Variants in UGT1A1 observed in about 807,000 individuals in gnomAD.
UGT1A1 encodes the protein UDP glucuronosyltransferase family 1 member A1.
A neutral mutation model predicts 40.6 loss-of-function variants in UGT1A1; 33 were observed. The ratio of observed to expected loss-of-function variants is 0.81; its 90% confidence interval spans 0.62 to 1.09. The LOEUF (loss-of-function observed/expected upper bound fraction) is 1.09, where lower values mean the gene tolerates loss of function less well. Ranked by LOEUF, UGT1A1 falls within the 50% of genes least tolerant of loss-of-function variation. The probability of loss-of-function intolerance (pLI) is 0.00; values close to 1 mark genes in which losing one functional copy is unlikely to be tolerated. For synonymous variants in UGT1A1, 249 were observed against 265.0 expected (o/e 0.94, Z 0.59); for missense variants, 694 against 671.2 (o/e 1.03, Z -0.38).
At position 233,767,164 on chromosome 2, in the gene UGT1A1, C is replaced by G. The variant is rs1699322267; in HGVS notation, c.995C>G (p.Thr332Arg). ...GATGCTTTGGGCAAAATCCCTCAGA[C>G]AGTAAGAAGATTCTATACCATGGCC... is the stretch of plus-strand genomic sequence containing the variant. Reference protein sequence around the residue: ...IADALGKIPQTVLWRYTGTRP... With the variant: ...IADALGKIPQRVLWRYTGTRP... The change falls in exon 2 of 5, where the codon ACA (threonine) becomes AGA (arginine). Residue 332 changes from threonine (T) to arginine (R), a missense_variant and splice_region_variant. Transcript: ENST00000305208. The G allele has an allele frequency of 6.2e-7, 1 of 1,614,090 alleles. No homozygotes were observed.
intron 1 of UGT1A1, among the ~76,000 whole-genome samples, chr2:233,766,396 G>A (rs1050069085): frequency 2.0e-5 from 3 of 152,150 alleles, no homozygotes; most frequent in East Asian, 3.9e-4. Context: ...CTGTCCTTGC[G>A]TCCCTCCGCT....
In UGT1A1 at chr2:233,769,485, G is replaced by A; in HGVS notation, c.1304+1046G>A. On this transcript the variant is annotated intron_variant, in intron 4 of 4. Coordinates refer to ENST00000305208, the MANE Select transcript of UGT1A1 (RefSeq NM_000463.3). This position sits in a 1 kb window ranked among gnomAD's most constrained non-coding sequence, Gnocchi z 4.4. ...TATGCGTGTGTGTGTGTGTGCGTGTGTTTATGAGAGTGTCCATTGCTTTCT... is the reference window on the plus strand; with the variant it reads ...TATGCGTGTGTGTGTGTGTGCGTGTATTTATGAGAGTGTCCATTGCTTTCT... 6.2e-7 allele frequency: 1 copy of A among 1,612,612 alleles called. No individual in the cohort carries two copies. Among genetic ancestry groups the A allele is most frequent in the Non-Finnish European group, 8.5e-7 (1 of 1,179,716 alleles).
At chr2:233,768,722 A>G (rs1461787067) in intron 4 of UGT1A1, among the ~76,000 whole-genome samples, 1 of 150,864 alleles carries the variant, frequency 6.6e-6, no homozygotes, top group Non-Finnish European at 1.5e-5. Flanking sequence ...AGCTGGGATT[A>G]CAGGTGTCCA....
At chr2:233,767,675 CA>C (rs1699446425) in intron 2 of UGT1A1, among the ~76,000 whole-genome samples, 173 bp from the exon 3 acceptor site, 1 of 152,180 alleles carries the variant, frequency 6.6e-6, no homozygotes, top group Non-Finnish European at 1.5e-5. Flanking sequence ...ACTAAACCTC[CA>C]AAACAAGATG....
chr2:233,762,210 G>A (rs190920095), intron 1 of UGT1A1, among the ~76,000 whole-genome samples: 9 of 152,170 alleles, frequency 5.9e-5, no homozygotes, highest in Non-Finnish European at 7.4e-5. Context: ...TGTATTTGGC[G>A]CCCCATAAAT....
Position 233,769,261 on chromosome 2 carries a change from C to T in UGT1A1, c.1304+822C>T, listed in dbSNP as rs1242622914. ...ATTTGCTCAAATGTGGCCCTGAAAA[C>T]GATTCAAAGGGCAAATGATTTCTGG... On this transcript the variant is annotated intron_variant, in intron 4 of 4. Coordinates refer to ENST00000305208, the MANE Select transcript of UGT1A1 (RefSeq NM_000463.3). This position sits in a 1 kb window ranked among gnomAD's most constrained non-coding sequence, Gnocchi z 4.4. 1.3e-5 allele frequency among the ~76,000 whole-genome samples: 2 copies of T among 152,124 alleles called. No homozygotes were observed. Among genetic ancestry groups the T allele is most frequent in the African/African-American group, 2.4e-5 (1 of 41,420 alleles).
rs780660931 is a variant in UGT1A1, at chr2:233,767,955, A to C, written c.1084+19A>C. 173 of 1,614,006 alleles carry C rather than the reference A, an allele frequency of 1.1e-4. 2 individuals carry two copies. In the South Asian group the frequency reaches 1.6e-3, roughly 15 times the overall value. ...CTGCTTGGTATGTTGGGCGGATTGG[A>C]TGTATAGGTCAAACCAGGGTCAAAT... On this transcript the variant is annotated intron_variant, in intron 3 of 4. Coordinates refer to ENST00000305208, the MANE Select transcript of UGT1A1 (RefSeq NM_000463.3).
At position 233,768,372 on chromosome 2, in the gene UGT1A1, C is replaced by A; in HGVS notation, c.1237C>A (p.Leu413Met). 1 of 1,614,130 alleles carries A rather than the reference C, an allele frequency of 6.2e-7. No homozygotes were observed. The highest frequency in any genetic ancestry group is 8.5e-7 in the Non-Finnish European group (1 of 1,180,038). The change falls in exon 4 of 5, where the codon CTG becomes ATG. Residue 413 changes from leucine (L) to methionine (M), a missense_variant. By Grantham distance (15) the Leu-to-Met change is conservative. Coordinates refer to ENST00000305208, the MANE Select transcript of UGT1A1 (RefSeq NM_000463.3). The part of the protein sequence containing the change: ...RMETKGAGVT[L>M]NVLEMTSEDL... ...GGAGACTAAGGGAGCTGGAGTGACC[C>A]TGAATGTTCTGGAAATGACTTCTGA...
rs1316565909 is a variant in UGT1A1, at chr2:233,767,035, A to G, written c.866A>G (p.Glu289Gly). 6.2e-7 allele frequency: 1 copy of G among 1,614,064 alleles called. No homozygotes were observed. The highest frequency in any genetic ancestry group is 1.7e-5 in the Admixed American group (1 of 60,022). ...NCLHQNPLSQ[E>G]FEAYINASGE... The stretch of plus-strand genomic sequence containing the variant: ...TGAAAATTTTTCTTCTGGCTCTAGG[A>G]ATTTGAAGCCTACATTAATGCTTCT... The change falls in exon 2 of 5, where the codon GAA (glutamate) becomes GGA (glycine). Residue 289 changes from glutamate to glycine, a missense_variant and splice_region_variant. Coordinates refer to ENST00000305208, the MANE Select transcript of UGT1A1 (RefSeq NM_000463.3).
Position 233,772,766 on chromosome 2 carries a change from C to G in UGT1A1, c.*207C>G. The stretch of plus-strand genomic sequence containing the variant: ...AGATATTTGAATATGTATCGTGCCC[C>G]CTCTGGTGTCTTTGATCAGGATGAC... On this transcript the variant is annotated 3_prime_UTR_variant, in exon 5 of 5. Transcript: ENST00000305208. 1 of 1,374,588 alleles carries G rather than the reference C, an allele frequency of 7.3e-7. No homozygotes were observed. Among genetic ancestry groups the G allele is most frequent in the Non-Finnish European group, 9.5e-7 (1 of 1,047,350 alleles). 85.1% of individuals were successfully genotyped at this position (1,374,588 alleles called of 1,614,324 possible).
intron 1 of UGT1A1, among the ~76,000 whole-genome samples, chr2:233,765,948 C>T (rs1314751958): frequency 6.6e-6 from 1 of 152,116 alleles, no homozygotes; most frequent in African/African-American, 2.4e-5. Context: ...GCTCTGACCT[C>T]ACCGGCAGTG....
Position 233,772,513 on chromosome 2 carries a change from G to C in UGT1A1, c.1556G>C (p.Gly519Ala), listed in dbSNP as rs867885761. ...CCAYGYRKCL[G>A]KKGRVKKAHK... ...GCTTATGGCTACCGGAAATGCTTGG[G>C]GAAAAAAGGGCGAGTTAAGAAAGCC... The change falls in exon 5 of 5, where the codon GGG (glycine) becomes GCG (alanine). Residue 519 changes from glycine to alanine, a missense_variant. Gly to Ala is a moderately conservative substitution (Grantham distance 60). Transcript: ENST00000305208. 26 of 1,614,000 alleles carry C rather than the reference G, an allele frequency of 1.6e-5. 1 individual carries two copies. In the East Asian group the frequency reaches 5.6e-4, roughly 35 times the overall value.
Position 233,768,455 on chromosome 2 carries a change from CAGA to C in UGT1A1, c.1304+21_1304+23del, listed in dbSNP as rs1237588109. On this transcript the variant is annotated intron_variant, in intron 4 of 4. Transcript: ENST00000305208. The stretch of plus-strand genomic sequence containing the variant: ...ATGACAAAAGGTAAGAAAGAAGATA[CAGA>C]AGAATACTTTGGTCATGGCATTCAT... 4 of 1,610,124 alleles carry C rather than the reference CAGA, an allele frequency of 2.5e-6. No homozygotes were observed. The African/African-American group carries it at 5.4e-5, about 22-fold the overall frequency.
chr2:233,768,469 G>A (rs1403858659), intron 4 of UGT1A1, 30 bp downstream of exon 4: 1 of 1,603,172 alleles, frequency 6.2e-7, no homozygotes, highest in African/African-American at 1.3e-5. Flanking sequence ...AGAATACTTT[G>A]GTCATGGCAT....
At chr2:233,767,302 A>G (rs951994488) in intron 2 of UGT1A1, 137 bp downstream of exon 2, 1 of 1,534,820 alleles carries the variant, frequency 6.5e-7, no homozygotes, top group African/African-American at 1.4e-5. Context: ...TATTAATCCA[A>G]AGGTTTTTTT....
intron 1 of UGT1A1, among the ~76,000 whole-genome samples, chr2:233,764,945 G>GA (rs2126013513): frequency 6.6e-6 from 1 of 152,312 alleles, no homozygotes; most frequent in Non-Finnish European, 1.5e-5. Context: ...GAGTGGCGGG[G>GA]AGAGAGGGCT....
Position 233,760,776 on chromosome 2 carries a change from C to G in UGT1A1, c.489C>G (p.Tyr163Ter). Reference sequence around the variant, plus strand: ...CTTGCAGCCCCATCGTGGCCCAGTACCTGTCTCTGCCCACTGTATTCTTCT... The same window carrying G: ...CTTGCAGCCCCATCGTGGCCCAGTAGCTGTCTCTGCCCACTGTATTCTTCT... Reference protein sequence around the residue: ...FLPCSPIVAQYLSLPTVFFLH... With the variant: ...FLPCSPIVAQ Residue 163 changes from tyrosine to a stop codon, truncating the protein, a stop_gained, in exon 1 of 5, where the codon TAC becomes TAG. Transcript: ENST00000305208. LOFTEE classifies it high-confidence loss of function. 1 of 1,613,940 alleles carries G rather than the reference C, an allele frequency of 6.2e-7. No individual in the cohort carries two copies. The highest frequency in any genetic ancestry group is 8.5e-7 in the Non-Finnish European group (1 of 1,179,860).
Position 233,760,769 on chromosome 2 carries a change from C to T in UGT1A1, c.482C>T (p.Ala161Val), listed in dbSNP as rs756981269. 1.9e-6 allele frequency: 3 copies of T among 1,614,028 alleles called. No individual in the cohort carries two copies. The South Asian group carries it at 3.3e-5, about 18-fold the overall frequency. Residue 161 changes from alanine (A) to valine (V), a missense_variant, in exon 1 of 5, where the codon GCC (alanine) becomes GTC (valine). Physicochemically the swap from Ala to Val is moderately conservative, Grantham distance 64. Coordinates refer to ENST00000305208, the MANE Select transcript of UGT1A1 (RefSeq NM_000463.3). ...TTCCTTCCTTGCAGCCCCATCGTGG[C>T]CCAGTACCTGTCTCTGCCCACTGTA... ...DPFLPCSPIV[A>V]QYLSLPTVFF... is the part of the protein sequence containing the mutation.
chr2:233,771,969 G>T (rs1040138861), intron 4 of UGT1A1, among the ~76,000 whole-genome samples: 1 of 152,096 alleles, frequency 6.6e-6, no homozygotes, highest in Non-Finnish European at 1.5e-5. Context: ...TTAAAAATTG[G>T]CCAGACATAG....
Sources: gnomAD v4.1 joint callset for allele counts (sites outside exome capture counted in the v4.1 genomes callset) on GRCh38, gnomAD v4.1.1 for gene constraint, Gnocchi (gnomAD v3.1) non-coding constraint, MANE v1.5 for transcripts, NCBI Gene and HGNC (gene_info 2026-07-23, HGNC 2026-07-21) for gene names.